The following CBLN2 variants were observed in gnomAD, a reference collection of about 807,000 sequenced individuals.
CBLN2 encodes the protein cerebellin-2.
In CBLN2, 7 loss-of-function variants were observed where a neutral mutation model predicts 15.0. That is an observed-to-expected ratio of 0.47 (90% CI 0.27 to 0.88). CBLN2 has a LOEUF of 0.88. CBLN2 is among the 40% of genes least tolerant of loss of function. CBLN2 has a pLI of 0.14. For synonymous variants in CBLN2, 149 were observed against 135.2 expected, an observed-to-expected ratio of 1.10 and a Z score of -0.71; for missense variants, 242 against 304.5, an observed-to-expected ratio of 0.79 and a Z score of 1.53.
chr18:72,635,614 A>AT (rs932234307), intron 1 of CBLN2, among the ~76,000 whole-genome samples: 1 of 152,174 alleles, frequency 6.6e-6, no homozygotes, highest in Non-Finnish European at 1.5e-5. Flanking sequence ...GAAAAACATC[A>AT]TTTTTTAGGA....
At chr18:72,548,451 G>C (rs1378253196), upstream of CBLN2, among the ~76,000 whole-genome samples, 1 of 152,082 alleles carries the variant, frequency 6.6e-6, no homozygotes, top group Non-Finnish European at 1.5e-5. Context: ...AGATTCATAG[G>C]ACTATTTTGT....
intron 1 of CBLN2, among the ~76,000 whole-genome samples, chr18:72,625,810 C>CTATA (rs771321456): frequency 0.02 from 1,362 of 67,260 alleles, 14 homozygotes; most frequent in Non-Finnish European, 0.033. Context: ...CTCTCTCTCT[C>CTATA]TCTCTCTCTA....
At chr18:72,610,000 A>G (rs941732335) in intron 1 of CBLN2, among the ~76,000 whole-genome samples, 1 of 152,050 alleles carries the variant, frequency 6.6e-6, no homozygotes, top group Non-Finnish European at 1.5e-5. Context: ...AGGACCATTA[A>G]TGTTCCCTAA....
intron 1 of CBLN2, among the ~76,000 whole-genome samples, chr18:72,633,952 A>T (rs1011454353): frequency 1.3e-5 from 2 of 152,142 alleles, no homozygotes; most frequent in Non-Finnish European, 2.9e-5. Context: ...ACTCTTAAAG[A>T]GCAATCACAC....
intron 1 of CBLN2, among the ~76,000 whole-genome samples, chr18:72,578,885 C>T (rs1028464350): frequency 1.3e-5 from 2 of 152,110 alleles, no homozygotes; most frequent in African/African-American, 4.8e-5. Flanking sequence ...TTTCCTTTTT[C>T]CTCCTGAAAG....
upstream of CBLN2, among the ~76,000 whole-genome samples, chr18:72,547,000 G>T (rs112471694): frequency 3.9e-5 from 6 of 152,056 alleles, 1 homozygote; most frequent in African/African-American, 1.2e-4. Flanking sequence ...AAAAATCATT[G>T]TATGGAAAAG....
intron 1 of CBLN2, among the ~76,000 whole-genome samples, chr18:72,574,446 C>T (rs2069351905): frequency 6.6e-6 from 1 of 152,088 alleles, no homozygotes; most frequent in Admixed American, 6.6e-5. Flanking sequence ...AATCGGGTGG[C>T]ACCAGGAGAA....
rs796234395 is a variant in CBLN2 at position 72,619,061 on chromosome 18, G to A, written c.15+19264C>T. ...GGAAGCTACAGTGATTTTGGCAATT[G>A]CAACAGTCTTCAAATTTTGGACCCA... On this transcript the variant is annotated intron_variant, in intron 1 of 2. Coordinates refer to the CBLN2 transcript ENST00000581073. 49 of 751,324 alleles carry A rather than the reference G, an allele frequency of 6.5e-5. No homozygotes were observed. The African/African-American group carries it at 7.3e-4, about 11-fold the overall frequency. 46.5% of individuals were successfully genotyped at this position (751,324 alleles called of 1,614,324 possible).
rs1348863503 is a variant in CBLN2, at chr18:72,543,790, C to T, written c.-212+187G>A. Among the ~76,000 whole-genome samples the T allele has an allele frequency of 6.6e-6, 1 of 151,906 alleles. No homozygotes were observed. Among genetic ancestry groups the T allele is most frequent in the East Asian group, 1.9e-4 (1 of 5,134 alleles). ...CAACCCCTGGGCTTCGCGCCCGCAC[C>T]GCTGCCTGGGGCCCCTCGAGCTCCC... On this transcript the variant is annotated intron_variant, in intron 1 of 4. Transcript: ENST00000269503. This position sits in a 1 kb window ranked among gnomAD's most constrained non-coding sequence, Gnocchi z 6.8.
chr18:72,582,189 G>C (rs1040487868), intron 1 of CBLN2, among the ~76,000 whole-genome samples: 1 of 152,114 alleles, frequency 6.6e-6, no homozygotes, highest in African/African-American at 2.4e-5. Context: ...TTCTCTAAGA[G>C]TGCTTTGGCT....
intron 3 of CBLN2, 129 bp from the exon 4 acceptor site, chr18:72,538,901 G>T: frequency 8.2e-7 from 1 of 1,216,798 alleles, no homozygotes; most frequent in Non-Finnish European, 1.1e-6. Context: ...AGCATCCTCA[G>T]CATTCTGGCT....
chr18:72,595,201 G>C (rs1378403577), intron 1 of CBLN2, among the ~76,000 whole-genome samples: 5 of 151,614 alleles, frequency 3.3e-5, no homozygotes, highest in Non-Finnish European at 7.4e-5. Flanking sequence ...TGCTTTCTCT[G>C]TATCCCAAGG....
At chr18:72,557,189 C>T (rs996578482) in intron 1 of CBLN2, among the ~76,000 whole-genome samples, 1 of 151,816 alleles carries the variant, frequency 6.6e-6, no homozygotes. Context: ...AATTTTAAAT[C>T]TTTGATTTTC....
intron 1 of CBLN2, among the ~76,000 whole-genome samples, chr18:72,598,070 G>C (rs2069524644): frequency 6.6e-6 from 1 of 152,148 alleles, no homozygotes; most frequent in Admixed American, 6.5e-5. Flanking sequence ...CTTCAAGACA[G>C]AGTCCCCTTC....
intron 1 of CBLN2, among the ~76,000 whole-genome samples, chr18:72,581,598 C>T (rs1450003342): frequency 6.6e-6 from 1 of 152,164 alleles, no homozygotes; most frequent in Non-Finnish European, 1.5e-5. Flanking sequence ...TGAGTTTTCT[C>T]TCTTTCTTGT....
intron 1 of CBLN2, among the ~76,000 whole-genome samples, chr18:72,621,493 T>C (rs1468888033): frequency 1.3e-5 from 2 of 152,248 alleles, no homozygotes; most frequent in Non-Finnish European, 2.9e-5. Flanking sequence ...ATAAATATTC[T>C]GTCTAAAACC....
At chr18:72,574,860 T>C (rs554978140) in intron 1 of CBLN2, among the ~76,000 whole-genome samples, 2 of 152,290 alleles carry the variant, frequency 1.3e-5, no homozygotes, top group South Asian at 2.1e-4. Context: ...AGTGATAAAT[T>C]TGAAGGGCAA....
chr18:72,566,038 T>C (rs2069292857), intron 1 of CBLN2, among the ~76,000 whole-genome samples: 1 of 152,120 alleles, frequency 6.6e-6, no homozygotes, highest in African/African-American at 2.4e-5. Flanking sequence ...GAAGAAGACA[T>C]ACAAATGGTC....
In CBLN2 at chr18:72,543,859, G is replaced by GGCCCCGCA. The variant is rs2069137545; in HGVS notation, c.-212+110_-212+117dup. 6.4e-6 allele frequency: 1 copy of GGCCCCGCA among 155,140 alleles called. No homozygotes were observed. Among genetic ancestry groups the GGCCCCGCA allele is most frequent in the African/African-American group, 2.4e-5 (1 of 41,508 alleles). The allele number at this position is 155,140 out of a possible 1,614,324, so 9.6% of individuals were successfully genotyped here. On this transcript the variant is annotated intron_variant, in intron 1 of 4. Transcript: ENST00000269503. The surrounding 1 kb of genome is among the most constrained non-coding windows in gnomAD (Gnocchi z 6.8). The stretch of plus-strand genomic sequence containing the variant: ...GCGCGGCTCCCTCGCGGGTCCCCTC[G>GGCCCCGCA]GCCCCGCAGCCCCGCCAGTCTCCAG...
Sources: allele counts gnomAD v4.1 joint callset (sites outside exome capture counted in the v4.1 genomes callset), GRCh38; gene constraint gnomAD v4.1.1; non-coding constraint Gnocchi (gnomAD v3.1); transcripts MANE v1.5; gene names NCBI Gene and HGNC (gene_info 2026-07-23, HGNC 2026-07-21).